Variants in UNC80 observed in about 807,000 individuals in gnomAD.
The protein encoded by UNC80 is protein unc-80 homolog.
UNC80 carries 164 observed loss-of-function variants against 384.6 expected under a neutral mutation model. The ratio of observed to expected loss-of-function variants is 0.43; its 90% confidence interval spans 0.38 to 0.49. The LOEUF (loss-of-function observed/expected upper bound fraction) is 0.49. Ranked by LOEUF, UNC80 falls within the 20% of genes least tolerant of loss-of-function variation. UNC80 has a pLI of 0.00. For missense variants in UNC80, 3,330 were observed against 4,143.0 expected, an observed-to-expected ratio of 0.80 and a Z score of 5.39; for synonymous variants, 1,486 against 1,527.8, an observed-to-expected ratio of 0.97 and a Z score of 0.64.
chr2:209,856,086 C>T (rs138996883), intron 22 of UNC80, among the ~76,000 whole-genome samples: 1,734 of 152,114 alleles, frequency 0.011, 28 homozygotes, highest in Admixed American at 0.046. Flanking sequence ...TAAGTGCCAA[C>T]GATATAATGA....
intron 7 of UNC80, among the ~76,000 whole-genome samples, chr2:209,798,007 G>A (rs754348715): frequency 1.4e-4 from 22 of 152,044 alleles, no homozygotes; most frequent in Admixed American, 8.5e-4. Context: ...TGATGGACTT[G>A]TCTGTTTTTT....
At chr2:209,783,906 A>C (rs756702884) in intron 4 of UNC80, among the ~76,000 whole-genome samples, 1 of 152,234 alleles carries the variant, frequency 6.6e-6, no homozygotes, top group South Asian at 2.1e-4. Context: ...CCTCGTGTCC[A>C]TTTCAAGGGA....
At chr2:209,827,598 G>A (rs1011029395) in intron 14 of UNC80, among the ~76,000 whole-genome samples, 5 of 152,062 alleles carry the variant, frequency 3.3e-5, no homozygotes, top group Non-Finnish European at 1.5e-5. Context: ...TCTGTTTAAT[G>A]CTCATTATTG....
At chr2:209,947,733 G>A (rs2091976425) in intron 47 of UNC80, among the ~76,000 whole-genome samples, 2 of 151,582 alleles carry the variant, frequency 1.3e-5, no homozygotes, top group South Asian at 4.1e-4. Context: ...TTTTTTAAAA[G>A]TATTTTATTT....
In UNC80 at chr2:209,945,863, C is replaced by T. The variant is rs755211422; in HGVS notation, c.7206C>T (p.Asn2402=). The stretch of plus-strand genomic sequence containing the variant: ...TTCCTTCAGATTTCTGCTATGGAAA[C>T]GAAGATCTGACATTTTCTATCAGTG... ...PLKSLDFCYG[N]EDLTFSISEA... Residue 2402 remains asparagine, a synonymous_variant, in exon 47 of 65, where the codon AAC becomes AAT. Coordinates refer to ENST00000673920, the MANE Select transcript of UNC80 (RefSeq NM_001371986.1). The T allele has an allele frequency of 1.8e-5, 28 of 1,551,542 alleles. No homozygotes were observed. Among genetic ancestry groups the T allele is most frequent in the Middle Eastern group, 1.7e-4 (1 of 6,020 alleles).
chr2:209,967,519 A>G lies in UNC80; in HGVS notation c.7888A>G (p.Ile2630Val), dbSNP rs190106609. Reference sequence around the variant, plus strand: ...GGAGAGTCGTGGGCTTCGGCGCTACATCATGGAGATGCTACCCATTACTGA... The same window carrying G: ...GGAGAGTCGTGGGCTTCGGCGCTACGTCATGGAGATGCTACCCATTACTGA... ...TMESRGLRRY[I>V]MEMLPITDWT... The change falls in exon 52 of 65, where the codon ATC becomes GTC. Residue 2630 changes from isoleucine to valine, a missense_variant. Transcript: ENST00000673920. 4.4e-5 allele frequency: 69 copies of G among 1,551,660 alleles called. No individual in the cohort carries two copies. Among genetic ancestry groups the G allele is most frequent in the Non-Finnish European group, 5.4e-5 (62 of 1,146,986 alleles).
intron 52 of UNC80, 60 bp from the exon 53 acceptor site, chr2:209,969,708 C>G (rs1469227365): frequency 6.5e-7 from 1 of 1,541,934 alleles, no homozygotes; most frequent in Non-Finnish European, 8.8e-7. Flanking sequence ...GTCTCATTCA[C>G]TTGTTTCAGA....
At chr2:209,958,183 A>G (rs2092474615) in intron 49 of UNC80, among the ~76,000 whole-genome samples, 1 of 152,142 alleles carries the variant, frequency 6.6e-6, no homozygotes, top group Admixed American at 6.5e-5. Flanking sequence ...GGTGCTTTTC[A>G]TGGTTGTTAA....
At chr2:209,961,592 A>T (rs1016572152) in intron 51 of UNC80, among the ~76,000 whole-genome samples, 2 of 152,226 alleles carry the variant, frequency 1.3e-5, no homozygotes, top group Non-Finnish European at 2.9e-5. Context: ...GGAAATCAAT[A>T]TAAGATCATA....
At chr2:209,799,256 T>C (rs2078380670) in intron 7 of UNC80, among the ~76,000 whole-genome samples, 1 of 152,108 alleles carries the variant, frequency 6.6e-6, no homozygotes, top group Non-Finnish European at 1.5e-5. Flanking sequence ...CCCTGAGCAG[T>C]GGTTTGTAGT....
intron 32 of UNC80, 23 bp from the exon 33 acceptor site, chr2:209,918,509 A>C (rs763790601): frequency 1.3e-6 from 2 of 1,549,038 alleles, no homozygotes; most frequent in Non-Finnish European, 1.7e-6. Context: ...CTCTCACCTA[A>C]TTTTTCTGAT....
intron 52 of UNC80, 30 bp from the exon 53 acceptor site, chr2:209,969,738 G>C: frequency 6.4e-7 from 1 of 1,551,026 alleles, no homozygotes; most frequent in Non-Finnish European, 8.7e-7. Context: ...AGGGAGCCAA[G>C]ACGCTAATGG....
At chr2:209,946,871 C>A (rs187924090) in intron 47 of UNC80, among the ~76,000 whole-genome samples, 99 of 152,240 alleles carry the variant, frequency 6.5e-4, no homozygotes, top group Admixed American at 4.4e-3. Context: ...TTTCTCTCTC[C>A]CATAAGAGAA....
At chr2:209,964,774 A>G (rs2092696528) in intron 51 of UNC80, among the ~76,000 whole-genome samples, 1 of 145,766 alleles carries the variant, frequency 6.9e-6, no homozygotes, top group Admixed American at 6.8e-5. Flanking sequence ...TGACAGAGTG[A>G]GACTCTGTCT....
chr2:209,957,396 T>C (rs73079001), intron 48 of UNC80, among the ~76,000 whole-genome samples: 6,416 of 152,082 alleles, frequency 0.042, 291 homozygotes, highest in South Asian at 0.14. Context: ...TTTTGACGAG[T>C]CTATTACTCA....
rs147623176 is a variant in UNC80 at position 209,940,118 on chromosome 2, G to A, written c.6646+466G>A. On this transcript the variant is annotated intron_variant, in intron 43 of 64. Transcript: ENST00000673920. ...TAAGCTAGTCATCAGCAGTTGAAGC[G>A]TGGGTAGGATGGTGTTGTTAGGGTA... is the stretch of plus-strand genomic sequence containing the variant. Among the ~76,000 whole-genome samples, 31 of 152,302 alleles carry A rather than the reference G, an allele frequency of 2.0e-4. No homozygotes were observed. In the East Asian group the frequency reaches 5.4e-3, roughly 27 times the overall value.
intron 51 of UNC80, 64 bp from the exon 52 acceptor site, chr2:209,967,373 A>T (rs2092767999): frequency 7.8e-7 from 1 of 1,274,564 alleles, no homozygotes; most frequent in Non-Finnish European, 1.0e-6. Flanking sequence ...CTGTGTAAAA[A>T]AATTCCTGTT....
At chr2:209,858,309 C>T (rs2083086314) in intron 22 of UNC80, among the ~76,000 whole-genome samples, 1 of 152,178 alleles carries the variant, frequency 6.6e-6, no homozygotes, top group Non-Finnish European at 1.5e-5. Context: ...TAATAGATAG[C>T]TACAACAATT....
At chr2:209,822,278 A>T (rs1177020741) in intron 13 of UNC80, among the ~76,000 whole-genome samples, 1 of 152,240 alleles carries the variant, frequency 6.6e-6, no homozygotes, top group African/African-American at 2.4e-5. Context: ...ATCACTGAGG[A>T]CAATGCAAGG....
Sources: gnomAD v4.1 joint callset for allele counts (sites outside exome capture counted in the v4.1 genomes callset) on GRCh38, gnomAD v4.1.1 for gene constraint, MANE v1.5 for transcripts, NCBI Gene and HGNC (gene_info 2026-07-23, HGNC 2026-07-21) for gene names.